Variants in DRC1 observed in about 807,000 individuals in gnomAD.
The protein encoded by DRC1 is dynein regulatory complex protein 1.
DRC1 carries 74 observed loss-of-function variants against 98.7 expected under a neutral mutation model. The observed-to-expected ratio is 0.75, with a 90% confidence interval of 0.62 to 0.91. The LOEUF is 0.91. Ranked by LOEUF, DRC1 falls within the 40% of genes least tolerant of loss-of-function variation. DRC1 has a pLI of 0.00. For missense variants in DRC1, 875 were observed against 886.0 expected, an observed-to-expected ratio of 0.99 and a Z score of 0.16; for synonymous variants, 336 against 334.1, an observed-to-expected ratio of 1.01 and a Z score of -0.06.
At chr2:26,436,960 C>T (rs1054501340) in intron 7 of DRC1, among the ~76,000 whole-genome samples, 6 of 152,172 alleles carry the variant, frequency 3.9e-5, no homozygotes, top group South Asian at 2.1e-4. Flanking sequence ...AGTGCTCATA[C>T]GTTCTCAGAT....
rs763259804 is a variant in DRC1, at chr2:26,429,813, G to A, written c.678+48G>A. 3.7e-6 allele frequency: 6 copies of A among 1,605,012 alleles called. No homozygotes were observed. In the Admixed American group the frequency reaches 5.0e-5, roughly 13 times the overall value. ...GGTTTCTGCTCTTGGAGGGCCCCTG[G>A]GAGGAGGTCTAGGTCTGTCCTAATA... On this transcript the variant is annotated intron_variant, in intron 5 of 16. Coordinates refer to ENST00000288710, the MANE Select transcript of DRC1 (RefSeq NM_145038.5).
intron 7 of DRC1, among the ~76,000 whole-genome samples, chr2:26,433,684 A>C (rs1663495355): frequency 6.6e-6 from 1 of 152,188 alleles, no homozygotes; most frequent in Admixed American, 6.5e-5. Flanking sequence ...ATTCTAGGAC[A>C]TGGGGAGATC....
intron 1 of DRC1, among the ~76,000 whole-genome samples, chr2:26,407,146 G>A (rs922601083): frequency 2.6e-5 from 4 of 152,018 alleles, no homozygotes; most frequent in Non-Finnish European, 5.9e-5. Flanking sequence ...GGGTAAAGAT[G>A]CGAGATGGAA....
At position 26,453,405 on chromosome 2, in the gene DRC1, C is replaced by T. The variant is rs144885892; in HGVS notation, c.1775C>T (p.Thr592Met). ...TRSELELAEQ[T>M]EMEGEKEESL... ...TCAGAATTGGAGCTGGCAGAGCAGACGGAGATGGAGGGAGAAAAGGAAGAA... is the reference window on the plus strand; with the variant it reads ...TCAGAATTGGAGCTGGCAGAGCAGATGGAGATGGAGGGAGAAAAGGAAGAA... The change falls in exon 14 of 17, where the codon ACG (threonine) becomes ATG (methionine). Residue 592 changes from threonine (T) to methionine (M), a missense_variant. By Grantham distance (81) the Thr-to-Met change is moderately conservative. Coordinates refer to ENST00000288710, the MANE Select transcript of DRC1 (RefSeq NM_145038.5). 1.4e-4 allele frequency: 230 copies of T among 1,613,990 alleles called. 1 individual carries two copies. The South Asian group carries it at 2.0e-3, about 14-fold the overall frequency.
At chr2:26,439,339 G>T (rs1265468004) in intron 7 of DRC1, among the ~76,000 whole-genome samples, 1 of 152,018 alleles carries the variant, frequency 6.6e-6, no homozygotes. Context: ...GTCCCATAAC[G>T]GTCTGGCCTT....
chr2:26,445,156 T>G (rs1408824943), intron 10 of DRC1, among the ~76,000 whole-genome samples: 1 of 152,204 alleles, frequency 6.6e-6, no homozygotes, highest in African/African-American at 2.4e-5. Context: ...CAGATGCAGG[T>G]CCAATTTATT....
Position 26,421,352 on chromosome 2 carries a change from T to A in DRC1, c.308T>A (p.Ile103Asn). 1 of 1,613,658 alleles carries A rather than the reference T, an allele frequency of 6.2e-7. No individual in the cohort carries two copies. The highest frequency in any genetic ancestry group is 8.5e-7 in the Non-Finnish European group (1 of 1,179,750). The change falls in exon 3 of 17, where the codon ATC becomes AAC. Residue 103 changes from isoleucine (I) to asparagine (N), a missense_variant. Physicochemically the swap from Ile to Asn is moderately radical, Grantham distance 149. Transcript: ENST00000288710. ...LVTNIQVAID[I>N]REIHRRVEEE... ...ACAAATATCCAGGTGGCTATAGATA[T>A]CAGAGAGATTCACAGGAGAGTCGAA... is the stretch of plus-strand genomic sequence containing the variant.
chr2:26,427,425 A>T lies in DRC1; in HGVS notation c.541-2203A>T, dbSNP rs140830634. Reference sequence around the variant, plus strand: ...GCCACCGCACCTGAGCTTTTTTTTTAAATTTAAAATTAAAAAATTTTATGG... The same window carrying T: ...GCCACCGCACCTGAGCTTTTTTTTTTAATTTAAAATTAAAAAATTTTATGG... On this transcript the variant is annotated intron_variant, in intron 4 of 16. Transcript: ENST00000288710. 8.5e-3 allele frequency among the ~76,000 whole-genome samples: 1,290 copies of T among 151,916 alleles called. 24 individuals are homozygous for T. The highest frequency in any genetic ancestry group is 0.073 in the East Asian group (380 of 5,176).
intron 2 of DRC1, among the ~76,000 whole-genome samples, chr2:26,418,557 T>TAATATACAATATA (rs1329642615): frequency 1.1e-5 from 1 of 94,928 alleles, no homozygotes; most frequent in Non-Finnish European, 1.9e-5. Context: ...TTATATATAA[T>TAATATACAATATA]TTATATATAA....
At chr2:26,408,595 A>G (rs1678497019) in intron 1 of DRC1, among the ~76,000 whole-genome samples, 1 of 152,168 alleles carries the variant, frequency 6.6e-6, no homozygotes, top group South Asian at 2.1e-4. Context: ...CAACATGGTA[A>G]AACCCCGTCT....
At chr2:26,424,531 T>C (rs1348041443) in intron 4 of DRC1, 77 bp downstream of exon 4, 3 of 1,432,592 alleles carry the variant, frequency 2.1e-6, no homozygotes, top group East Asian at 4.6e-5. Flanking sequence ...TTGCTTTTCC[T>C]GAATGGAAAA....
chr2:26,452,627 G>A (rs933999970), intron 13 of DRC1, among the ~76,000 whole-genome samples: 3 of 152,138 alleles, frequency 2.0e-5, no homozygotes, highest in Non-Finnish European at 2.9e-5. Flanking sequence ...CAGAAGATTC[G>A]AAACAACCTA....
intron 10 of DRC1, among the ~76,000 whole-genome samples, chr2:26,447,316 G>A (rs985603970): frequency 5.9e-5 from 9 of 151,774 alleles, no homozygotes; most frequent in Non-Finnish European, 8.8e-5. Flanking sequence ...AGGAGGCTGA[G>A]GCAGGAGAAT....
rs78892546 is a variant in DRC1, at chr2:26,444,260, C to T, written c.1067C>T (p.Ala356Val). The T allele has an allele frequency of 6.2e-3, 10,082 of 1,614,120 alleles. 336 individuals are homozygous for T. The South Asian group carries it at 0.066, about 11-fold the overall frequency. The change falls in exon 9 of 17, where the codon GCC (alanine) becomes GTC (valine). Residue 356 changes from alanine (A) to valine (V), a missense_variant. Ala to Val is a moderately conservative substitution (Grantham distance 64, BLOSUM62 0). Coordinates refer to ENST00000288710, the MANE Select transcript of DRC1 (RefSeq NM_145038.5). ...CTTAACAATCTGAGATCAAAATATG[C>T]CAAGCAAATAAAGCAGTTTCAGGAG... ...DILNNLRSKYAKQIKQFQEEN... is the reference protein window; with the variant it reads ...DILNNLRSKYVKQIKQFQEEN...
intron 16 of DRC1, 24 bp from the exon 17 acceptor site, chr2:26,456,437 C>G (rs373480012): frequency 6.2e-7 from 1 of 1,613,882 alleles, no homozygotes; most frequent in Non-Finnish European, 8.5e-7. Context: ...AAAAATGTAA[C>G]GACTTTCACC....
At position 26,424,549 on chromosome 2, in the gene DRC1, A is replaced by G; in HGVS notation, c.540+95A>G. 4 of 1,259,134 alleles carry G rather than the reference A, an allele frequency of 3.2e-6. No individual in the cohort carries two copies. The South Asian group carries it at 6.0e-5, about 19-fold the overall frequency. 78.0% of individuals were successfully genotyped at this position (1,259,134 alleles called of 1,614,324 possible). A position where few individuals can be genotyped will look rare whatever the true frequency, so the allele number is the denominator to read the frequency against. ...CTTTTCCTGAATGGAAAAATGTAGA[A>G]ACCTTTTACTTCATTATTTAGAATG... On this transcript the variant is annotated intron_variant, in intron 4 of 16. Transcript: ENST00000288710.
chr2:26,424,917 A>G (rs1180265970), intron 4 of DRC1, among the ~76,000 whole-genome samples: 1 of 152,190 alleles, frequency 6.6e-6, no homozygotes, highest in East Asian at 1.9e-4. Context: ...GCACCACTGC[A>G]CTCCAGCCTG....
rs1053417143 is a variant in DRC1, at chr2:26,454,449, C to T, written c.1920-198C>T. On this transcript the variant is annotated intron_variant, in intron 14 of 16. Transcript: ENST00000288710. This position sits in a 1 kb window ranked among gnomAD's most constrained non-coding sequence, Gnocchi z 5.2. The stretch of plus-strand genomic sequence containing the variant: ...GGATGAAGCACGGATTATGCCCTCA[C>T]GAAGGTACCGGTGGTACCGAGGCAG... 1.3e-5 allele frequency among the ~76,000 whole-genome samples: 2 copies of T among 152,144 alleles called. No individual in the cohort carries two copies. The highest frequency in any genetic ancestry group is 4.8e-5 in the African/African-American group (2 of 41,420).
intron 8 of DRC1, among the ~76,000 whole-genome samples, chr2:26,441,863 T>A (rs181080399): frequency 6.6e-6 from 1 of 152,212 alleles, no homozygotes; most frequent in Non-Finnish European, 1.5e-5. Flanking sequence ...CTGCTGTTTC[T>A]AAGCACCATC....
Sources: gnomAD v4.1 joint callset for allele counts (sites outside exome capture counted in the v4.1 genomes callset) on GRCh38, gnomAD v4.1.1 for gene constraint, Gnocchi (gnomAD v3.1) non-coding constraint, MANE v1.5 for transcripts, NCBI Gene and HGNC (gene_info 2026-07-23, HGNC 2026-07-21) for gene names.